The following NUTM2G variants were observed in gnomAD, a reference collection of about 807,000 sequenced individuals.
The protein encoded by NUTM2G is NUT family member 2G.
Under a neutral mutation model 44.3 loss-of-function variants are expected in NUTM2G, and 29 were observed. The ratio of observed to expected loss-of-function variants is 0.66; its 90% CI spans 0.49 to 0.89. The LOEUF is 0.89. Ranked by LOEUF, NUTM2G falls within the 40% of genes least tolerant of loss-of-function variation. The probability of loss-of-function intolerance (pLI) is 0.00; values close to 1 mark genes in which losing one functional copy is unlikely to be tolerated. For synonymous variants in NUTM2G, 205 were observed against 395.9 expected (o/e 0.52, Z 5.72); for missense variants, 502 against 946.5 (o/e 0.53, Z 6.16).
chr9:96,936,512 G>A lies in NUTM2G; in HGVS notation c.930G>A (p.Pro310=), dbSNP rs752245352. 1.3e-5 allele frequency: 20 copies of A among 1,550,660 alleles called. No homozygotes were observed. Among genetic ancestry groups the A allele is most frequent in the East Asian group, 2.4e-5 (1 of 42,244 alleles). Residue 310 remains proline, a synonymous_variant, in exon 4 of 7, where the codon CCG becomes CCA. Transcript: ENST00000372322. Reference sequence around the variant, plus strand: ...CCCAGAGCCTGCCTCCTCCAGCCCCGCCGAGGCTTGAACCTCGAGGACCCC... The same window carrying A: ...CCCAGAGCCTGCCTCCTCCAGCCCCACCGAGGCTTGAACCTCGAGGACCCC... The part of the protein sequence containing the change: ...KGPQSLPPPA[P]PRLEPRGPPA...
intron 4 of NUTM2G, among the ~76,000 whole-genome samples, 173 bp from the exon 5 acceptor site, chr9:96,936,891 C>G (rs1014042044): frequency 6.6e-6 from 1 of 152,200 alleles, no homozygotes; most frequent in Non-Finnish European, 1.5e-5. Flanking sequence ...TCCTCCCAAG[C>G]GATGCTGTCT....
chr9:96,936,274 C>A (rs1478206982), intron 3 of NUTM2G, 151 bp from the exon 4 acceptor site: 3 of 1,400,944 alleles, frequency 2.1e-6, no homozygotes, highest in African/African-American at 2.9e-5. Flanking sequence ...CTGGGAGCAG[C>A]TCCCTCCTGG....
At chr9:96,936,932 G>A (rs976932695) in intron 4 of NUTM2G, 132 bp from the exon 5 acceptor site, 119 of 1,355,332 alleles carry the variant, frequency 8.8e-5, no homozygotes, top group Middle Eastern at 5.3e-4. Flanking sequence ...CGTCTCCTCC[G>A]GGGCGCTGTG....
intron 2 of NUTM2G, chr9:96,933,558 G>A (rs1413333289): frequency 2.0e-5 from 3 of 151,948 alleles, no homozygotes; most frequent in Non-Finnish European, 4.4e-5. Flanking sequence ...TTTTTTAGTA[G>A]AGACGGGGTT....
At position 96,931,917 on chromosome 9, in the gene NUTM2G, G is replaced by A. The variant is rs750368076; in HGVS notation, c.212G>A (p.Arg71His). The change falls in exon 2 of 7, where the codon CGC becomes CAC. Residue 71 changes from arginine to histidine, a missense_variant. Arg to His is a conservative substitution (Grantham distance 29). Transcript: ENST00000372322. The stretch of plus-strand genomic sequence containing the variant: ...CCTCTAGTGGCAGGACAGGATGGCC[G>A]CGGCCCAAGTGGGGCTGGGGCTTCC... Reference protein sequence around the residue: ...STPLVAGQDGRGPSGAGASNV... With the variant: ...STPLVAGQDGHGPSGAGASNV... 2.4e-5 allele frequency: 39 copies of A among 1,611,956 alleles called. No individual in the cohort carries two copies. Among genetic ancestry groups the A allele is most frequent in the African/African-American group, 4.0e-5 (3 of 74,856 alleles).
chr9:96,942,732 C>T (rs1588208945), downstream of NUTM2G: 3 of 149,266 alleles, frequency 2.0e-5, no homozygotes, highest in East Asian at 2.0e-4. Context: ...ACGTTTATCA[C>T]GTATACGGTA....
At chr9:96,934,487 G>C (rs1392428803) in intron 2 of NUTM2G, among the ~76,000 whole-genome samples, 1 of 151,974 alleles carries the variant, frequency 6.6e-6, no homozygotes, top group Non-Finnish European at 1.5e-5. Context: ...GGGCTCACAG[G>C]CCTTTGCCTT....
At position 96,937,102 on chromosome 9, in the gene NUTM2G, G is replaced by T. The variant is rs774694681; in HGVS notation, c.1021G>T (p.Ala341Ser). 1 of 1,611,144 alleles carries T rather than the reference G, an allele frequency of 6.2e-7. No individual in the cohort carries two copies. The highest frequency in any genetic ancestry group is 8.5e-7 in the Non-Finnish European group (1 of 1,179,522). Residue 341 changes from alanine (A) to serine (S), a missense_variant, in exon 5 of 7, where the codon GCC becomes TCC. By Grantham distance (99) the Ala-to-Ser change is moderately conservative. Transcript: ENST00000372322. ...CAAGGATGGCCCCAAGGCCCCGACT[G>T]CCTGCCTGCCACCACCCAGGCCCCA... ...PSKDGPKAPTACLPPPRPQRP... is the reference protein window; with the variant it reads ...PSKDGPKAPTSCLPPPRPQRP...
chr9:96,941,892 T>TG (rs1414357638), downstream of NUTM2G, among the ~76,000 whole-genome samples: 27 of 144,500 alleles, frequency 1.9e-4, no homozygotes, highest in South Asian at 1.7e-3. Flanking sequence ...AGTACTGCTG[T>TG]GGGACACAGT....
chr9:96,942,609 T>G (rs1262523863), downstream of NUTM2G: 1 of 126,424 alleles, frequency 7.9e-6, no homozygotes, highest in East Asian at 2.2e-4. Flanking sequence ...TTACCGATGG[T>G]TCATTTTCCG....
At chr9:96,935,053 T>C (rs1452392467) in intron 2 of NUTM2G, among the ~76,000 whole-genome samples, 2 of 152,206 alleles carry the variant, frequency 1.3e-5, no homozygotes, top group Non-Finnish European at 2.9e-5. Context: ...ACAGGAATGT[T>C]GGGGACACAC....
At position 96,937,264 on chromosome 9, in the gene NUTM2G, C is replaced by T. The variant is rs201577636; in HGVS notation, c.1183C>T (p.Pro395Ser). Reference protein sequence around the residue: ...DIMEELLGSHPGDTGEPEGQR... With the variant: ...DIMEELLGSHSGDTGEPEGQR... The stretch of plus-strand genomic sequence containing the variant: ...CATGGAGGAGCTGCTGGGGTCTCAC[C>T]CTGGGGACACAGGGGAGCCTGAGGG... The change falls in exon 5 of 7, where the codon CCT (proline) becomes TCT (serine). Residue 395 changes from proline to serine, a missense_variant. Coordinates refer to ENST00000372322, the MANE Select transcript of NUTM2G (RefSeq NM_001170741.3). 2 of 1,613,556 alleles carry T rather than the reference C, an allele frequency of 1.2e-6. No homozygotes were observed. Among genetic ancestry groups the T allele is most frequent in the Non-Finnish European group, 1.7e-6 (2 of 1,179,802 alleles).
intron 3 of NUTM2G, 63 bp from the exon 4 acceptor site, chr9:96,936,362 C>T: frequency 1.9e-6 from 3 of 1,540,700 alleles, no homozygotes; most frequent in Non-Finnish European, 2.6e-6. Flanking sequence ...TCGGCTGCTG[C>T]CTGGTCCTGG....
downstream of NUTM2G, among the ~76,000 whole-genome samples, chr9:96,942,199 GCTTT>G (rs1181199324): frequency 1.4e-5 from 2 of 147,412 alleles, no homozygotes; most frequent in Non-Finnish European, 3.0e-5. Flanking sequence ...AACATGCAGT[GCTTT>G]CTGACAGCTA....
At chr9:96,929,244 GC>G (rs1826167936) in intron 1 of NUTM2G, among the ~76,000 whole-genome samples, 1 of 152,166 alleles carries the variant, frequency 6.6e-6, no homozygotes, top group South Asian at 2.1e-4. Flanking sequence ...GGACCAAGAT[GC>G]CTGGGGGAAT....
rs373582781 is a variant in NUTM2G at position 96,931,966 on chromosome 9, A to G, written c.261A>G (p.Thr87=). Residue 87 remains threonine, a synonymous_variant, in exon 2 of 7, where the codon ACA becomes ACG. Coordinates refer to ENST00000372322, the MANE Select transcript of NUTM2G (RefSeq NM_001170741.3). ...GASNVFVQMR[T]EVGPVKPPQA... ...CCAACGTCTTTGTCCAGATGAGGAC[A>G]GAAGTGGGGCCTGTGAAGCCCCCTC... 4.7e-5 allele frequency: 76 copies of G among 1,611,676 alleles called. No homozygotes were observed. Among genetic ancestry groups the G allele is most frequent in the Non-Finnish European group, 6.2e-5 (73 of 1,179,834 alleles).
downstream of NUTM2G, among the ~76,000 whole-genome samples, chr9:96,940,639 T>C (rs185203996): frequency 8.6e-3 from 1,297 of 151,292 alleles, 2 homozygotes; most frequent in African/African-American, 0.031. Flanking sequence ...GCCAGAGCAC[T>C]GGTCCCAGCA....
Position 96,938,001 on chromosome 9 carries a change from G to A in NUTM2G, c.1440G>A (p.Gln480=). The change falls in exon 6 of 7, where the codon CAG becomes CAA. Residue 480 remains glutamine, a splice_region_variant and synonymous_variant. Coordinates refer to ENST00000372322, the MANE Select transcript of NUTM2G (RefSeq NM_001170741.3). The stretch of plus-strand genomic sequence containing the variant: ...AGGAGGAAGGACTCACCCTTGCCCA[G>A]GTAGAGCAGCAGAGGGAGGGGAACC... The part of the protein sequence containing the change: ...LEQEEGLTLA[Q]LVEKRLLSLK... 4 of 1,612,396 alleles carry A rather than the reference G, an allele frequency of 2.5e-6. No homozygotes were observed. The highest frequency in any genetic ancestry group is 3.4e-6 in the Non-Finnish European group (4 of 1,179,852).
chr9:96,930,809 T>G (rs1810788), intron 1 of NUTM2G, among the ~76,000 whole-genome samples: 17,263 of 148,440 alleles, frequency 0.12, 2,244 homozygotes, highest in East Asian at 0.34. Context: ...TGCTGGGCGT[T>G]ATGTGTTATG....
Sources: allele counts gnomAD v4.1 joint callset (sites outside exome capture counted in the v4.1 genomes callset), GRCh38; gene constraint gnomAD v4.1.1; transcripts MANE v1.5; gene names NCBI Gene and HGNC (gene_info 2026-07-23, HGNC 2026-07-21).